Variants in THSD7B observed in about 807,000 individuals in gnomAD.
THSD7B encodes the protein thrombospondin type-1 domain-containing protein 7B.
A neutral mutation model predicts 213.6 loss-of-function variants in THSD7B; 138 were observed. That is an observed-to-expected ratio of 0.65 (90% CI 0.56 to 0.74). The LOEUF is 0.74. Among genes scored for constraint, THSD7B ranks in the 30% least tolerant of loss-of-function variants. The pLI, the probability that THSD7B is intolerant of heterozygous loss-of-function variation, is 0.00. For synonymous variants in THSD7B, 742 were observed against 687.0 expected (o/e 1.08, Z -1.25); for missense variants, 1,931 against 1,991.5 (o/e 0.97, Z 0.58).
At chr2:137,651,049 C>T (rs932715893) in intron 21 of THSD7B, among the ~76,000 whole-genome samples, 3 of 152,066 alleles carry the variant, frequency 2.0e-5, no homozygotes, top group South Asian at 2.1e-4. Flanking sequence ...TTTTGCTATG[C>T]CCGTTTCTGG....
chr2:137,235,646 G>C (rs1681747380), intron 9 of THSD7B, among the ~76,000 whole-genome samples: 1 of 152,002 alleles, frequency 6.6e-6, no homozygotes, highest in Non-Finnish European at 1.5e-5. Flanking sequence ...GAGGATTTGA[G>C]AAAAAAATCA....
At chr2:137,490,132 G>A (rs2105120756) in intron 15 of THSD7B, among the ~76,000 whole-genome samples, 1 of 152,218 alleles carries the variant, frequency 6.6e-6, no homozygotes, top group Middle Eastern at 3.4e-3. Flanking sequence ...GCTAAGACAT[G>A]GGCATTTCCT....
At chr2:137,372,968 A>G (rs1192486594) in intron 12 of THSD7B, among the ~76,000 whole-genome samples, 1 of 149,898 alleles carries the variant, frequency 6.7e-6, no homozygotes. Context: ...TGTTCTTGCG[A>G]TAGTTTACTG....
Position 136,797,016 on chromosome 2 carries a change from T to TA in THSD7B, c.-36+31336dup, listed in dbSNP as rs556107199. Among the ~76,000 whole-genome samples the TA allele has an allele frequency of 7.6e-4, 84 of 111,198 alleles. 1 individual carries two copies. Among genetic ancestry groups the TA allele is most frequent in the African/African-American group, 2.5e-3 (80 of 32,598 alleles). 73.0% of individuals were successfully genotyped at this position (111,198 alleles called of 152,430 possible). ...CACACACACACACACACACACAACCTAAAAAAACTGAAGACTCATTTGTTT... is the reference window on the plus strand; with the variant it reads ...CACACACACACACACACACACAACCTAAAAAAAACTGAAGACTCATTTGTTT... On this transcript the variant is annotated intron_variant, in intron 1 of 27. Transcript: ENST00000409968.
chr2:137,170,261 C>A (rs962873883), intron 6 of THSD7B, among the ~76,000 whole-genome samples: 2 of 152,130 alleles, frequency 1.3e-5, no homozygotes, highest in Non-Finnish European at 2.9e-5. Context: ...GTGTAAACCT[C>A]AGTGACATGA....
intron 17 of THSD7B, among the ~76,000 whole-genome samples, chr2:137,603,730 C>T (rs982553698): frequency 5.3e-5 from 8 of 152,156 alleles, no homozygotes; most frequent in Admixed American, 4.6e-4. Flanking sequence ...GTTTACTGAT[C>T]TATAAAACTT....
intron 1 of THSD7B, among the ~76,000 whole-genome samples, chr2:136,791,167 G>A (rs966262172): frequency 2.4e-4 from 36 of 151,622 alleles, no homozygotes; most frequent in African/African-American, 7.8e-4. Flanking sequence ...TAAATGAATA[G>A]GATAAAATAG....
chr2:136,821,114 A>T (rs890147389), intron 1 of THSD7B, among the ~76,000 whole-genome samples: 4 of 152,190 alleles, frequency 2.6e-5, no homozygotes, highest in Admixed American at 1.3e-4. Context: ...TGTGAGTTTG[A>T]TGTTTTTAAT....
chr2:137,282,089 C>G (rs573517705), intron 12 of THSD7B, among the ~76,000 whole-genome samples: 1 of 151,762 alleles, frequency 6.6e-6, no homozygotes, highest in Non-Finnish European at 1.5e-5. Flanking sequence ...TTTTAATGAT[C>G]GCCATTCTAA....
intron 2 of THSD7B, among the ~76,000 whole-genome samples, chr2:136,984,937 G>T (rs186602507): frequency 3.1e-4 from 47 of 152,302 alleles, no homozygotes; most frequent in African/African-American, 1.1e-3. Context: ...TAGCTGCCTT[G>T]TGTTTGTGCC....
intron 1 of THSD7B, among the ~76,000 whole-genome samples, chr2:136,812,441 C>T (rs1573649845): frequency 6.6e-6 from 1 of 152,234 alleles, no homozygotes; most frequent in East Asian, 1.9e-4. Context: ...CATTTTTATT[C>T]TCTAGCTTAC....
chr2:137,191,904 A>G (rs1406034361), intron 7 of THSD7B, among the ~76,000 whole-genome samples: 2 of 152,142 alleles, frequency 1.3e-5, no homozygotes, highest in Admixed American at 6.5e-5. Flanking sequence ...ATCACAAAGG[A>G]CAAAGCCACC....
chr2:136,866,953 T>C (rs202168533), intron 1 of THSD7B, among the ~76,000 whole-genome samples: 2 of 151,870 alleles, frequency 1.3e-5, no homozygotes, highest in East Asian at 3.9e-4. Context: ...TCTTTTTTTT[T>C]CATTAATTGT....
At chr2:137,415,345 G>A (rs1488194693) in intron 14 of THSD7B, among the ~76,000 whole-genome samples, 5 of 152,090 alleles carry the variant, frequency 3.3e-5, no homozygotes, top group Admixed American at 6.5e-5. Context: ...CCATACTAAT[G>A]GATTCCATGG....
intron 2 of THSD7B, among the ~76,000 whole-genome samples, chr2:137,033,813 T>C (rs933405387): frequency 3.3e-5 from 5 of 151,976 alleles, no homozygotes; most frequent in Non-Finnish European, 5.9e-5. Flanking sequence ...TATTATACTT[T>C]AAGTTCTAGG....
chr2:137,489,030 T>C (rs1411850335), intron 15 of THSD7B, among the ~76,000 whole-genome samples: 1 of 152,230 alleles, frequency 6.6e-6, no homozygotes, highest in Non-Finnish European at 1.5e-5. Flanking sequence ...TCTATACTTA[T>C]TGACTAAAAG....
In THSD7B at chr2:136,969,908, A is replaced by C. The variant is rs1685377472; in HGVS notation, c.140-86512A>C. On this transcript the variant is annotated intron_variant, in intron 2 of 27. Transcript: ENST00000409968. ...ATCTTTCCAATTGAGGGAAGCTTCC[A>C]ATATGAAAGTCATAAACTAGCAAAA... Among the ~76,000 whole-genome samples, 5 of 152,360 alleles carry C rather than the reference A, an allele frequency of 3.3e-5. No homozygotes were observed. In the South Asian group the frequency reaches 1.0e-3, roughly 32 times the overall value.
chr2:137,485,687 T>C (rs1215003596), intron 15 of THSD7B, among the ~76,000 whole-genome samples: 3 of 152,078 alleles, frequency 2.0e-5, no homozygotes, highest in African/African-American at 7.2e-5. Context: ...CCAAGACACA[T>C]AATTGTCAGA....
intron 12 of THSD7B, among the ~76,000 whole-genome samples, chr2:137,392,826 G>C (rs1046133552): frequency 6.6e-6 from 1 of 152,098 alleles, no homozygotes; most frequent in African/African-American, 2.4e-5. Context: ...TGTCATATTT[G>C]TCTTTAGGTG....
Sources: gnomAD v4.1 joint callset for allele counts (sites outside exome capture counted in the v4.1 genomes callset) on GRCh38, gnomAD v4.1.1 for gene constraint, MANE v1.5 for transcripts, NCBI Gene and HGNC (gene_info 2026-07-23, HGNC 2026-07-21) for gene names.